The following EBF2 variants were observed in gnomAD, a reference collection of about 807,000 sequenced individuals.
The protein encoded by EBF2 is transcription factor COE2.
A neutral mutation model predicts 72.8 loss-of-function variants in EBF2; 21 were observed. The observed-to-expected ratio is 0.29, with a 90% CI of 0.20 to 0.42. The LOEUF (loss-of-function observed/expected upper bound fraction) is 0.42, where lower values mean the gene tolerates loss of function less well. Among genes scored for constraint, EBF2 ranks in the 10% least tolerant of loss-of-function variants. EBF2 has a pLI of 1.00. For synonymous variants in EBF2, 299 were observed against 274.2 expected (o/e 1.09, Z -0.89); for missense variants, 637 against 731.2 (o/e 0.87, Z 1.49).
chr8:25,888,374 G>C (rs1048821010), intron 8 of EBF2, among the ~76,000 whole-genome samples: 2 of 152,182 alleles, frequency 1.3e-5, no homozygotes, highest in African/African-American at 4.8e-5. Context: ...TTTTCACCGA[G>C]TCATTAAAGC....
Position 26,040,026 on chromosome 8 carries a change from AC to A in EBF2, c.482+1del. Reference sequence around the variant, plus strand: ...GAAGGCCTGGGAAAAGGCGGCTCTTACCTACACATCACTTCGTGCGTCAGGA... The same window carrying A: ...GAAGGCCTGGGAAAAGGCGGCTCTTACTACACATCACTTCGTGCGTCAGGA... On this transcript the variant is annotated splice_donor_variant, in intron 5 of 15. Coordinates refer to ENST00000520164, the MANE Select transcript of EBF2 (RefSeq NM_022659.4). LOFTEE classifies it high-confidence loss of function. 1.2e-6 allele frequency: 2 copies of A among 1,613,732 alleles called. No individual in the cohort carries two copies. Among genetic ancestry groups the A allele is most frequent in the Non-Finnish European group, 1.7e-6 (2 of 1,179,806 alleles).
chr8:25,994,399 T>C (rs1479382605), intron 6 of EBF2, among the ~76,000 whole-genome samples: 1 of 152,088 alleles, frequency 6.6e-6, no homozygotes, highest in Non-Finnish European at 1.5e-5. Context: ...CTAATAGAAA[T>C]ATAGGCTAAA....
intron 6 of EBF2, among the ~76,000 whole-genome samples, chr8:26,005,708 G>A (rs1284470030): frequency 6.7e-6 from 1 of 148,212 alleles, no homozygotes; most frequent in Non-Finnish European, 1.5e-5. Flanking sequence ...GTGTGTGCAT[G>A]CAGTCCCAGC....
Position 25,858,903 on chromosome 8 carries a change from C to T in EBF2, c.1343-399G>A, listed in dbSNP as rs936561254. 1.2e-4 allele frequency among the ~76,000 whole-genome samples: 19 copies of T among 152,056 alleles called. 1 individual carries two copies. Among genetic ancestry groups the T allele is most frequent in the Admixed American group, 9.8e-4 (15 of 15,260 alleles). On this transcript the variant is annotated intron_variant, in intron 13 of 15. Coordinates refer to ENST00000520164, the MANE Select transcript of EBF2 (RefSeq NM_022659.4). ...CTTGAACTCCTGACCCCATGATCCA[C>T]CAGCCTCAGCCTCTCAAAGTGCTGG...
chr8:25,918,883 G>C (rs73677430), intron 6 of EBF2, among the ~76,000 whole-genome samples: 146 of 152,248 alleles, frequency 9.6e-4, no homozygotes, highest in African/African-American at 3.2e-3. Context: ...AAGGATTAAA[G>C]TAACCGTATG....
chr8:25,950,772 C>G (rs767076159), intron 6 of EBF2, among the ~76,000 whole-genome samples: 10 of 152,250 alleles, frequency 6.6e-5, no homozygotes, highest in Non-Finnish European at 1.0e-4. Context: ...CTTTTCATCC[C>G]TTGGTGCTTC....
rs537132009 is a variant in EBF2, at chr8:25,948,544, G to A, written c.552-39989C>T. ...GGATTCCTAAATCTCCAAGTGATGC[G>A]ACATTTATAACTACATTAAAAAGGA... On this transcript the variant is annotated intron_variant, in intron 6 of 15. Transcript: ENST00000520164. Among the ~76,000 whole-genome samples, 125 of 152,262 alleles carry A rather than the reference G, an allele frequency of 8.2e-4. 1 individual carries two copies. Among genetic ancestry groups the A allele is most frequent in the Non-Finnish European group, 1.4e-3 (94 of 68,020 alleles).
intron 6 of EBF2, among the ~76,000 whole-genome samples, chr8:25,986,353 G>T (rs1804457312): frequency 6.6e-6 from 1 of 152,160 alleles, no homozygotes; most frequent in African/African-American, 2.4e-5. Context: ...TCACTGGGCT[G>T]TAGTATTTAC....
At chr8:25,848,642 G>T (rs566659802) in intron 15 of EBF2, among the ~76,000 whole-genome samples, 3 of 152,280 alleles carry the variant, frequency 2.0e-5, no homozygotes, top group African/African-American at 4.8e-5. Flanking sequence ...CCACTTTCCC[G>T]TGAGAGAGGA....
chr8:26,013,772 G>A (rs934734879), intron 6 of EBF2, among the ~76,000 whole-genome samples: 1 of 151,770 alleles, frequency 6.6e-6, no homozygotes, highest in Non-Finnish European at 1.5e-5. Context: ...AAACCTTGTC[G>A]ATATGAAATC....
At chr8:25,905,687 A>T (rs1803021416) in intron 7 of EBF2, among the ~76,000 whole-genome samples, 2 of 152,228 alleles carry the variant, frequency 1.3e-5, no homozygotes, top group Non-Finnish European at 2.9e-5. Context: ...GGGGAGAAAC[A>T]GGAACTGGGA....
chr8:26,005,542 T>TTATATA (rs753242991), intron 6 of EBF2, among the ~76,000 whole-genome samples: 6 of 40,228 alleles, frequency 1.5e-4, no homozygotes, highest in South Asian at 7.9e-4. Flanking sequence ...TATATATATT[T>TTATATA]TATATATATA....
intron 10 of EBF2, among the ~76,000 whole-genome samples, chr8:25,882,283 C>T (rs890036265): frequency 6.6e-6 from 1 of 152,136 alleles, no homozygotes. Context: ...ACAGCCCCGT[C>T]GCATGCCCTG....
chr8:25,890,414 A>G (rs1468112485), intron 7 of EBF2, among the ~76,000 whole-genome samples: 1 of 152,180 alleles, frequency 6.6e-6, no homozygotes, highest in African/African-American at 2.4e-5. Flanking sequence ...AGGTTGCCAT[A>G]ATTCAGTGTT....
intron 6 of EBF2, among the ~76,000 whole-genome samples, chr8:25,966,066 G>A (rs747377548): frequency 6.6e-5 from 10 of 152,326 alleles, no homozygotes; most frequent in South Asian, 2.1e-4. Context: ...GACAGGTAAC[G>A]TTCAGCCATC....
At chr8:25,897,504 TCTC>T (rs1416157602) in intron 7 of EBF2, among the ~76,000 whole-genome samples, 1 of 152,182 alleles carries the variant, frequency 6.6e-6, no homozygotes, top group East Asian at 1.9e-4. Context: ...TTTTCAGCCC[TCTC>T]CTCCTTCCCT....
At chr8:26,035,360 G>T (rs1805483082) in intron 5 of EBF2, among the ~76,000 whole-genome samples, 1 of 152,054 alleles carries the variant, frequency 6.6e-6, no homozygotes, top group African/African-American at 2.4e-5. Context: ...GTGTTGCCCA[G>T]GCTGATCTCG....
intron 10 of EBF2, among the ~76,000 whole-genome samples, chr8:25,865,047 T>A (rs935967332): frequency 9.2e-5 from 14 of 152,236 alleles, no homozygotes; most frequent in African/African-American, 3.4e-4. Context: ...GTGATCCGCC[T>A]GCCTCGGCCT....
chr8:25,943,256 C>T (rs1168119983), intron 6 of EBF2, among the ~76,000 whole-genome samples: 1 of 133,952 alleles, frequency 7.5e-6, no homozygotes, highest in Non-Finnish European at 1.5e-5. Context: ...TGCTTGAGGC[C>T]AAGAGTTGGA....
Sources: gnomAD v4.1 joint callset for allele counts (sites outside exome capture counted in the v4.1 genomes callset) on GRCh38, gnomAD v4.1.1 for gene constraint, MANE v1.5 for transcripts, NCBI Gene and HGNC (gene_info 2026-07-23, HGNC 2026-07-21) for gene names.